DENND2B: variants seen among roughly 807,000 people sequenced by gnomAD.
DENND2B encodes DENN domain-containing protein 2B.
A neutral mutation model predicts 116.0 loss-of-function variants in DENND2B; 32 were observed. That is an observed-to-expected ratio of 0.28 (90% CI 0.21 to 0.37). The LOEUF (loss-of-function observed/expected upper bound fraction) is 0.37. Ranked by LOEUF, DENND2B falls within the 10% of genes least tolerant of loss-of-function variation. The pLI, the probability that DENND2B is intolerant of heterozygous loss-of-function variation, is 1.00. For synonymous variants in DENND2B, 588 were observed against 583.9 expected (o/e 1.01, Z -0.10); for missense variants, 1,276 against 1,477.7 (o/e 0.86, Z 2.24).
intron 1 of DENND2B, among the ~76,000 whole-genome samples, chr11:8,780,004 GT>G (rs1181862382): frequency 2.0e-5 from 3 of 152,224 alleles, no homozygotes; most frequent in Non-Finnish European, 4.4e-5. Flanking sequence ...CTATTCCTGT[GT>G]TGGCCTGGGT....
intron 3 of DENND2B, among the ~76,000 whole-genome samples, chr11:8,854,016 A>ATTTTTTTTTTTTTTTTTTTTTTTTTTT (rs71059187): frequency 3.2e-5 from 2 of 62,756 alleles, no homozygotes; most frequent in African/African-American, 6.2e-5. Context: ...GCCCCAGTTA[A>ATTTTTTTTTTTTTTTTTTTTTTTTTTT]TTTTTTTTTT....
At chr11:8,754,765 T>C (rs180928900) in intron 1 of DENND2B, among the ~76,000 whole-genome samples, 448 of 152,356 alleles carry the variant, frequency 2.9e-3, no homozygotes, top group Non-Finnish European at 5.0e-3. Flanking sequence ...ACTGATACAT[T>C]CTACAACATG....
intron 1 of DENND2B, among the ~76,000 whole-genome samples, chr11:8,766,887 G>A (rs531258124): frequency 3.7e-4 from 57 of 152,334 alleles, no homozygotes; most frequent in African/African-American, 1.3e-3. Flanking sequence ...ATGAAGGGCA[G>A]TGACTCAGAA....
chr11:8,805,061 T>A (rs1011475503), intron 1 of DENND2B, among the ~76,000 whole-genome samples: 6 of 152,182 alleles, frequency 3.9e-5, no homozygotes, highest in African/African-American at 1.4e-4. Flanking sequence ...TACTATTACA[T>A]CCATTCTACA....
chr11:8,725,640 G>A (rs186454624), intron 4 of DENND2B, among the ~76,000 whole-genome samples: 50 of 152,206 alleles, frequency 3.3e-4, no homozygotes, highest in Admixed American at 2.3e-3. Flanking sequence ...TTACAGGCAC[G>A]AGCCACCATG....
chr11:8,744,796 T>C (rs74053138), intron 2 of DENND2B, among the ~76,000 whole-genome samples: 2,825 of 152,276 alleles, frequency 0.019, 87 homozygotes, highest in African/African-American at 0.064. Flanking sequence ...GTCCCACCAG[T>C]GTCTTTTGGG....
chr11:8,719,300 G>A (rs1036959557), intron 4 of DENND2B, among the ~76,000 whole-genome samples: 7 of 152,190 alleles, frequency 4.6e-5, no homozygotes, highest in Admixed American at 2.6e-4. Flanking sequence ...GAACCACAAC[G>A]AATTTAGGAA....
Position 8,707,259 on chromosome 11 carries a change from G to A in DENND2B, c.2431-34C>T. The stretch of plus-strand genomic sequence containing the variant: ...ACCGCCAGCAGCCCAAAGAGGAAGG[G>A]TGTCAGGGCACTGCCCTTCCCCCTC... On this transcript the variant is annotated intron_variant, in intron 12 of 19. Coordinates refer to ENST00000313726, the MANE Select transcript of DENND2B (RefSeq NM_213618.2). The surrounding 1 kb of genome is among the most constrained non-coding windows in gnomAD (Gnocchi z 4.8). 2 of 1,594,180 alleles carry A rather than the reference G, an allele frequency of 1.3e-6. No individual in the cohort carries two copies. Among genetic ancestry groups the A allele is most frequent in the African/African-American group, 2.7e-5 (2 of 74,778 alleles).
chr11:8,865,408 G>C (rs1032139681), intron 2 of DENND2B, among the ~76,000 whole-genome samples: 2 of 152,114 alleles, frequency 1.3e-5, no homozygotes, highest in Non-Finnish European at 2.9e-5. Context: ...CAACATATCT[G>C]ATATGAACTT....
At chr11:8,728,561 A>T (rs557835422) in intron 3 of DENND2B, among the ~76,000 whole-genome samples, 19 of 146,982 alleles carry the variant, frequency 1.3e-4, no homozygotes, top group African/African-American at 4.8e-4. Context: ...TGTGGGGTGG[A>T]ATATGTGTAA....
intron 3 of DENND2B, among the ~76,000 whole-genome samples, chr11:8,856,403 T>G (rs537970445): frequency 8.5e-5 from 13 of 152,380 alleles, no homozygotes; most frequent in African/African-American, 3.1e-4. Context: ...TGGAAAAATT[T>G]TTAAAGTATC....
At chr11:8,741,283 A>C (rs376736076) in intron 2 of DENND2B, among the ~76,000 whole-genome samples, 2 of 152,332 alleles carry the variant, frequency 1.3e-5, no homozygotes, top group African/African-American at 4.8e-5. Flanking sequence ...TCTGCCCCCA[A>C]GCTGATTTCT....
At chr11:8,725,848 C>G (rs80249839) in intron 4 of DENND2B, among the ~76,000 whole-genome samples, 5,084 of 152,226 alleles carry the variant, frequency 0.033, 259 homozygotes, top group East Asian at 0.12. Flanking sequence ...TCTCGTGTCC[C>G]CAAAGGTCCT....
At chr11:8,697,979 C>A (rs1237753439) in intron 16 of DENND2B, 2 of 447,354 alleles carry the variant, frequency 4.5e-6, no homozygotes, top group African/African-American at 2.0e-5. Flanking sequence ...AAAACACACA[C>A]AAAAAAACAA....
At chr11:8,750,004 T>A (rs909611299) in intron 2 of DENND2B, among the ~76,000 whole-genome samples, 3 of 152,242 alleles carry the variant, frequency 2.0e-5, no homozygotes, top group Admixed American at 6.5e-5. Flanking sequence ...TCAGCCATAA[T>A]GCTAAGCACT....
chr11:8,907,448 G>C (rs73410029), intron 1 of DENND2B, among the ~76,000 whole-genome samples: 1 of 152,188 alleles, frequency 6.6e-6, no homozygotes, highest in African/African-American at 2.4e-5. Flanking sequence ...TCAATCTGTG[G>C]TTTACAGGAT....
In DENND2B at chr11:8,711,221, G is replaced by T; in HGVS notation, c.2183C>A (p.Pro728His). 6.2e-7 allele frequency: 1 copy of T among 1,613,830 alleles called. No homozygotes were observed. Among genetic ancestry groups the T allele is most frequent in the South Asian group, 1.1e-5 (1 of 91,074 alleles). ...VSYQFPKLDR[P>H]TKQMREAEER... ...CTCTGCCTCTCGCATCTGCTTGGTG[G>T]GTCGGTCCAGCTGCAGGGAAGAAGG... The change falls in exon 10 of 20, where the codon CCC becomes CAC. Residue 728 changes from proline (P) to histidine (H), a missense_variant. Physicochemically the swap from Pro to His is moderately conservative, Grantham distance 77 (BLOSUM62 -2). This residue lies in a region of DENND2B where 420 missense variants were observed against 631.1 expected (regional missense o/e 0.67). Transcript: ENST00000313726.
chr11:8,820,502 T>A (rs1364034762), intron 4 of DENND2B, among the ~76,000 whole-genome samples: 1 of 152,192 alleles, frequency 6.6e-6, no homozygotes, highest in Non-Finnish European at 1.5e-5. Flanking sequence ...AGAAACAATC[T>A]CCATATCAGT....
At chr11:8,783,433 T>C (rs536751837) in intron 1 of DENND2B, among the ~76,000 whole-genome samples, 4 of 152,348 alleles carry the variant, frequency 2.6e-5, no homozygotes, top group South Asian at 4.1e-4. Flanking sequence ...GTATGTACTG[T>C]CTGTGGAATA....
Sources: gnomAD v4.1 joint callset for allele counts (sites outside exome capture counted in the v4.1 genomes callset) on GRCh38, gnomAD v4.1.1 for gene constraint, gnomAD v4.1.1 regional missense constraint, Gnocchi (gnomAD v3.1) non-coding constraint, MANE v1.5 for transcripts, NCBI Gene and HGNC (gene_info 2026-07-23, HGNC 2026-07-21) for gene names.